PRKCB: variants seen among roughly 807,000 people sequenced by gnomAD.
PRKCB encodes the protein protein kinase C beta, also known as protein kinase C beta type.
A neutral mutation model predicts 81.5 loss-of-function variants in PRKCB; 13 were observed. That is an observed-to-expected ratio of 0.16 (90% confidence interval 0.10 to 0.25). PRKCB has a LOEUF of 0.25. Among genes scored for constraint, PRKCB ranks in the 10% least tolerant of loss-of-function variants. The pLI, the probability that PRKCB is intolerant of heterozygous loss-of-function variation, is 1.00. For synonymous variants in PRKCB, 335 were observed against 321.4 expected (o/e 1.04, Z -0.45); for missense variants, 509 against 875.7 (o/e 0.58, Z 5.29).
intron 8 of PRKCB, among the ~76,000 whole-genome samples, chr16:24,115,919 G>C (rs1393307268): frequency 6.6e-6 from 1 of 151,982 alleles, no homozygotes; most frequent in Non-Finnish European, 1.5e-5. Context: ...TAGAGATGGG[G>C]TTTCACCATG....
At chr16:24,109,012 C>T (rs1263181693) in intron 7 of PRKCB, among the ~76,000 whole-genome samples, 1 of 127,316 alleles carries the variant, frequency 7.9e-6, no homozygotes, top group Non-Finnish European at 1.7e-5. Context: ...CCGGACGGGG[C>T]GGCTGGCCGG....
chr16:23,980,058 C>T (rs1407701248), intron 2 of PRKCB, among the ~76,000 whole-genome samples: 1 of 152,190 alleles, frequency 6.6e-6, no homozygotes, highest in Non-Finnish European at 1.5e-5. Flanking sequence ...GCACTCCAGC[C>T]TGGGTGACAG....
chr16:23,899,817 ATTT>A lies in PRKCB; in HGVS notation c.205+62412_205+62414del, dbSNP rs1422731117. 2.3e-4 allele frequency among the ~76,000 whole-genome samples: 9 copies of A among 39,844 alleles called. 3 individuals are homozygous for A. Among genetic ancestry groups the A allele is most frequent in the African/African-American group, 1.5e-3 (9 of 5,832 alleles). The allele number at this position is 39,844 out of a possible 152,430, so 26.1% of individuals were successfully genotyped here. A position where few individuals can be genotyped will look rare whatever the true frequency, so the allele number is the denominator to read the frequency against. ...CAGGCCCAGCAAATAAAATTTATTT[ATTT>A]ATTTATTTATTTATTTATTTATTTA... is the stretch of plus-strand genomic sequence containing the variant. On this transcript the variant is annotated intron_variant, in intron 2 of 16. Coordinates refer to ENST00000643927, the MANE Select transcript of PRKCB (RefSeq NM_002738.7).
In PRKCB at chr16:24,218,627, C is replaced by G. The variant is rs573218817; in HGVS notation, c.*3811C>G. On this transcript the variant is annotated 3_prime_UTR_variant, in exon 17 of 17. Coordinates refer to ENST00000643927, the MANE Select transcript of PRKCB (RefSeq NM_002738.7). Reference sequence around the variant, plus strand: ...AGCAAGTCTTGTAAAAGGTCTTTTGCAAAGGAGAGTGAACCCAGCAATGAG... The same window carrying G: ...AGCAAGTCTTGTAAAAGGTCTTTTGGAAAGGAGAGTGAACCCAGCAATGAG... 2.6e-5 allele frequency: 26 copies of G among 981,724 alleles called. No individual in the cohort carries two copies. The South Asian group carries it at 1.1e-3, about 41-fold the overall frequency. The allele number at this position is 981,724 out of a possible 1,614,324, so 60.8% of individuals were successfully genotyped here. A position where few individuals can be genotyped will look rare whatever the true frequency, so the allele number is the denominator to read the frequency against.
chr16:24,102,058 C>T (rs1031752341), intron 7 of PRKCB, among the ~76,000 whole-genome samples: 3 of 152,160 alleles, frequency 2.0e-5, no homozygotes, highest in African/African-American at 7.2e-5. Flanking sequence ...CATTCTGCCT[C>T]CTGATACAGG....
rs148715294 is a variant in PRKCB, at chr16:24,078,275, C to G, written c.530-14516C>G. ...CTGTTGAGCACCTCCTGCCTCCATGCTTCATGCTGCATTTACTCAGCACCC... is the reference window on the plus strand; with the variant it reads ...CTGTTGAGCACCTCCTGCCTCCATGGTTCATGCTGCATTTACTCAGCACCC... On this transcript the variant is annotated intron_variant, in intron 5 of 16. Transcript: ENST00000643927. 3.7e-3 allele frequency among the ~76,000 whole-genome samples: 561 copies of G among 152,370 alleles called. 1 individual carries two copies. Among genetic ancestry groups the G allele is most frequent in the African/African-American group, 0.012 (518 of 41,590 alleles).
At chr16:23,950,211 C>A (rs1484282329) in intron 2 of PRKCB, among the ~76,000 whole-genome samples, 2 of 141,848 alleles carry the variant, frequency 1.4e-5, no homozygotes, top group African/African-American at 2.6e-5. Flanking sequence ...GGTGGGTACA[C>A]CCACACTCCC....
intron 2 of PRKCB, among the ~76,000 whole-genome samples, chr16:23,891,978 C>T (rs1956766037): frequency 6.6e-6 from 1 of 152,092 alleles, no homozygotes; most frequent in South Asian, 2.1e-4. Context: ...TGTGAAAAAC[C>T]ATAGGCCCCC....
chr16:23,857,507 T>C (rs924177547), intron 2 of PRKCB, among the ~76,000 whole-genome samples: 61 of 151,780 alleles, frequency 4.0e-4, no homozygotes, highest in African/African-American at 1.5e-3. Flanking sequence ...TGGGATTCAG[T>C]GTGTGTTTAT....
rs1967129894 is a variant in PRKCB at position 24,154,667 on chromosome 16, C to T, written c.1066-17C>T. The T allele has an allele frequency of 6.2e-7, 1 of 1,613,614 alleles. No homozygotes were observed. The highest frequency in any genetic ancestry group is 8.5e-7 in the Non-Finnish European group (1 of 1,179,668). ...GACTCCTTCCAACTGCCCTGACATG[C>T]TTGCTCTCTTTCCCAGGTCATGCTT... On this transcript the variant is annotated splice_polypyrimidine_tract_variant and intron_variant, in intron 9 of 16. Coordinates refer to ENST00000643927, the MANE Select transcript of PRKCB (RefSeq NM_002738.7).
chr16:23,919,873 A>C (rs2141744034), intron 2 of PRKCB, among the ~76,000 whole-genome samples: 1 of 152,334 alleles, frequency 6.6e-6, no homozygotes, highest in East Asian at 1.9e-4. Context: ...ATTGCTTTAT[A>C]GACTGCACTT....
intron 5 of PRKCB, among the ~76,000 whole-genome samples, chr16:24,053,925 A>G (rs143991777): frequency 2.0e-5 from 3 of 152,332 alleles, no homozygotes; most frequent in Non-Finnish European, 4.4e-5. Context: ...TCTTAGTCCA[A>G]TGGGAATCCA....
chr16:23,985,426 A>T (rs1404271500), intron 2 of PRKCB, among the ~76,000 whole-genome samples: 1 of 152,172 alleles, frequency 6.6e-6, no homozygotes, highest in African/African-American at 2.4e-5. Context: ...AACAATGACC[A>T]GTTGGGAAAC....
chr16:24,034,982 G>A (rs544599547), intron 4 of PRKCB, among the ~76,000 whole-genome samples: 1 of 152,164 alleles, frequency 6.6e-6, no homozygotes, highest in South Asian at 2.1e-4. Flanking sequence ...GAGCTGTCAC[G>A]TACACATCGA....
intron 5 of PRKCB, among the ~76,000 whole-genome samples, chr16:24,041,507 T>C (rs761434809): frequency 6.6e-6 from 1 of 151,418 alleles, no homozygotes; most frequent in Non-Finnish European, 1.5e-5. Context: ...GGAGTGTTCT[T>C]AAAGAAAGCA....
chr16:23,881,561 T>A (rs1030659714), intron 2 of PRKCB, among the ~76,000 whole-genome samples: 3 of 152,064 alleles, frequency 2.0e-5, no homozygotes, highest in East Asian at 3.9e-4. Flanking sequence ...CCCATTCCCG[T>A]TTTTTAAAAA....
At chr16:23,884,706 T>C (rs1963172056) in intron 2 of PRKCB, among the ~76,000 whole-genome samples, 1 of 152,060 alleles carries the variant, frequency 6.6e-6, no homozygotes. Flanking sequence ...GGCTAATTTT[T>C]TTATTTTTAT....
intron 9 of PRKCB, among the ~76,000 whole-genome samples, chr16:24,132,062 A>G (rs960520638): frequency 4.0e-5 from 6 of 151,680 alleles, no homozygotes; most frequent in Non-Finnish European, 8.8e-5. Flanking sequence ...ACCTCCCTCT[A>G]CCCTCCTTTA....
intron 16 of PRKCB, among the ~76,000 whole-genome samples, chr16:24,193,459 AT>A (rs1967826312): frequency 2.3e-5 from 2 of 87,444 alleles, no homozygotes; most frequent in Non-Finnish European, 4.8e-5. Flanking sequence ...AAATAAATAA[AT>A]AAATAAATAA....
Sources: allele counts gnomAD v4.1 joint callset (sites outside exome capture counted in the v4.1 genomes callset), GRCh38; gene constraint gnomAD v4.1.1; transcripts MANE v1.5; gene names NCBI Gene and HGNC (gene_info 2026-07-23, HGNC 2026-07-21).